DISP1: variants seen among roughly 807,000 people sequenced by gnomAD.
DISP1 encodes the protein protein dispatched homolog 1.
DISP1 carries 30 observed loss-of-function variants against 37.3 expected under a neutral mutation model. That is an observed-to-expected ratio of 0.80 (90% CI 0.60 to 1.09). DISP1 has a LOEUF of 1.09. DISP1 is among the 50% of genes least tolerant of loss of function. DISP1 has a pLI of 0.00. For synonymous variants in DISP1, 634 were observed against 690.2 expected, an observed-to-expected ratio of 0.92 and a Z score of 1.28; for missense variants, 1,598 against 1,879.5, an observed-to-expected ratio of 0.85 and a Z score of 2.77.
At chr1:222,884,401 GTAC>G (rs1436553088) in intron 1 of DISP1, among the ~76,000 whole-genome samples, 15 of 151,992 alleles carry the variant, frequency 9.9e-5, no homozygotes, top group African/African-American at 3.1e-4. Context: ...ATCCCACACT[GTAC>G]TAAATTGTTG....
chr1:222,874,285 G>A (rs1269372541), intron 1 of DISP1, among the ~76,000 whole-genome samples: 2 of 149,252 alleles, frequency 1.3e-5, no homozygotes, highest in African/African-American at 2.4e-5. Context: ...GTATCTTTGT[G>A]GCGTTCTCTG....
intron 3 of DISP1, among the ~76,000 whole-genome samples, chr1:222,956,682 T>G (rs1675621456): frequency 6.6e-6 from 1 of 152,174 alleles, no homozygotes; most frequent in African/African-American, 2.4e-5. Context: ...AGCTTAAAAT[T>G]CTCACTGAGC....
chr1:222,899,857 G>A (rs1307356268), intron 1 of DISP1: 1 of 152,154 alleles, frequency 6.6e-6, no homozygotes, highest in Non-Finnish European at 1.5e-5. Flanking sequence ...CAGAGTGTTG[G>A]GATTACAGGT....
chr1:222,862,039 T>C (rs1021242723), intron 1 of DISP1, among the ~76,000 whole-genome samples: 10 of 152,216 alleles, frequency 6.6e-5, no homozygotes, highest in South Asian at 2.1e-4. Context: ...GCAACCCTTT[T>C]AAGACTGGGA....
intron 1 of DISP1, among the ~76,000 whole-genome samples, chr1:222,921,202 G>A (rs1021312083): frequency 3.9e-5 from 6 of 152,096 alleles, no homozygotes; most frequent in Admixed American, 6.6e-5. Context: ...CCAGCTACTC[G>A]GGAGGCTGAG....
At chr1:222,831,329 G>A (rs1665687284) in intron 1 of DISP1, among the ~76,000 whole-genome samples, 1 of 152,124 alleles carries the variant, frequency 6.6e-6, no homozygotes. Flanking sequence ...GTAAAAAATG[G>A]GGAGATTATT....
At chr1:223,000,207 T>C (rs985192320) in intron 8 of DISP1, among the ~76,000 whole-genome samples, 5 of 152,160 alleles carry the variant, frequency 3.3e-5, no homozygotes, top group African/African-American at 4.8e-5. Flanking sequence ...TTTCTTCCAT[T>C]TGAAAACTGT....
intron 1 of DISP1, among the ~76,000 whole-genome samples, chr1:222,924,496 C>T (rs1672974864): frequency 6.6e-6 from 1 of 152,104 alleles, no homozygotes; most frequent in Non-Finnish European, 1.5e-5. Context: ...TGATTCCCTG[C>T]ACTGGGCTAT....
chr1:222,948,764 A>G (rs1674977159), intron 3 of DISP1, among the ~76,000 whole-genome samples: 1 of 152,210 alleles, frequency 6.6e-6, no homozygotes, highest in Non-Finnish European at 1.5e-5. Context: ...GCCTTAGAGT[A>G]AAATTGTATG....
chr1:222,833,665 T>A (rs2125250992), intron 1 of DISP1, among the ~76,000 whole-genome samples: 1 of 152,316 alleles, frequency 6.6e-6, no homozygotes, highest in Middle Eastern at 3.4e-3. Flanking sequence ...AACTGTGGTA[T>A]GATGTATGAG....
chr1:222,826,425 G>A (rs1170548107), intron 1 of DISP1, among the ~76,000 whole-genome samples: 1 of 142,202 alleles, frequency 7.0e-6, no homozygotes, highest in Admixed American at 7.2e-5. Context: ...CTGTCACCTG[G>A]GCTGGAGTGC....
intron 1 of DISP1, among the ~76,000 whole-genome samples, chr1:222,851,215 C>CA (rs1321058959): frequency 6.6e-6 from 1 of 151,848 alleles, no homozygotes; most frequent in Non-Finnish European, 1.5e-5. Flanking sequence ...CACAGGCATA[C>CA]GGCACCACAC....
At chr1:222,968,235 T>G (rs1367744286) in intron 3 of DISP1, among the ~76,000 whole-genome samples, 1 of 152,108 alleles carries the variant, frequency 6.6e-6, no homozygotes, top group Non-Finnish European at 1.5e-5. Flanking sequence ...TAAAATTCTT[T>G]TCTTCTTACA....
chr1:222,829,252 A>C (rs1665154649), intron 1 of DISP1, among the ~76,000 whole-genome samples: 1 of 152,210 alleles, frequency 6.6e-6, no homozygotes, highest in African/African-American at 2.4e-5. Flanking sequence ...TGCTCTGTGC[A>C]TGGGATGCCA....
rs768957429 is a variant in DISP1 at position 222,878,891 on chromosome 1, A to C, written c.-158-49539A>C. On this transcript the variant is annotated intron_variant, in intron 1 of 8. Coordinates refer to ENST00000675850, the MANE Select transcript of DISP1 (RefSeq NM_001377229.1). ...AATTAATTAAAAATTAATTTCAGTA[A>C]ACCTGAGGTCTGCTCTCTAGCAATA... is the stretch of plus-strand genomic sequence containing the variant. 4.7e-4 allele frequency among the ~76,000 whole-genome samples: 71 copies of C among 152,296 alleles called. 1 individual carries two copies. The highest frequency in any genetic ancestry group is 1.6e-3 in the Admixed American group (25 of 15,298).
intron 1 of DISP1, among the ~76,000 whole-genome samples, chr1:222,824,698 G>A (rs149723599): frequency 5.9e-4 from 90 of 151,936 alleles, no homozygotes; most frequent in African/African-American, 2.0e-3. Context: ...AATATTTGCT[G>A]CATCAATTCA....
chr1:222,914,727 G>C (rs35364426), intron 1 of DISP1, among the ~76,000 whole-genome samples: 2 of 152,162 alleles, frequency 1.3e-5, no homozygotes, highest in Non-Finnish European at 2.9e-5. Context: ...GAGAGGCCAA[G>C]GCAGGAGGAT....
intron 3 of DISP1, among the ~76,000 whole-genome samples, chr1:222,978,375 T>G (rs1677561279): frequency 6.6e-6 from 1 of 152,174 alleles, no homozygotes; most frequent in African/African-American, 2.4e-5. Context: ...GGTTGTTTGT[T>G]TTTTCTTGTA....
Position 222,992,104 on chromosome 1 carries a change from G to T in DISP1, c.883G>T (p.Val295Phe). 1 of 1,612,368 alleles carries T rather than the reference G, an allele frequency of 6.2e-7. No individual in the cohort carries two copies. The highest frequency in any genetic ancestry group is 1.1e-5 in the South Asian group (1 of 91,064). ...CCACAAGGACAGCTTTTTCTGCGAC[G>T]TTCCAAGTGAGTGACATTGTAGATG... ...NFHKDSFFCDVPSDRYSRVVF... is the reference protein window; with the variant it reads ...NFHKDSFFCDFPSDRYSRVVF... Residue 295 changes from valine (V) to phenylalanine (F), a missense_variant, in exon 7 of 9, where the codon GTT (valine) becomes TTT (phenylalanine). Val to Phe is a conservative substitution (Grantham distance 50). Transcript: ENST00000675850.
Sources: allele counts gnomAD v4.1 joint callset (sites outside exome capture counted in the v4.1 genomes callset), GRCh38; gene constraint gnomAD v4.1.1; transcripts MANE v1.5; gene names NCBI Gene and HGNC (gene_info 2026-07-23, HGNC 2026-07-21).